ASMTL: variants seen among roughly 807,000 people sequenced by gnomAD.
ASMTL encodes probable bifunctional dTTP/UTP pyrophosphatase/methyltransferase protein.
In ASMTL, 57 loss-of-function variants were observed where a neutral mutation model predicts 60.3. That is an observed-to-expected ratio of 0.95 (90% confidence interval 0.76 to 1.18). The LOEUF (loss-of-function observed/expected upper bound fraction) is 1.18. Among genes scored for constraint, ASMTL ranks in the 50% most tolerant of loss-of-function variants. ASMTL has a pLI of 0.00. For missense variants in ASMTL, 981 were observed against 852.6 expected, an observed-to-expected ratio of 1.15 and a Z score of -1.88; for synonymous variants, 419 against 373.0, an observed-to-expected ratio of 1.12 and a Z score of -1.42.
chrX:1,410,509 G>C (rs62605709), intron 12 of ASMTL, among the ~76,000 whole-genome samples: 2 of 151,772 alleles, frequency 1.3e-5, no homozygotes, highest in African/African-American at 2.4e-5. Context: ...TCGCCTCCCA[G>C]GTTCAAGTGA....
At chrX:1,451,979 C>G (rs1211761378) in intron 1 of ASMTL, among the ~76,000 whole-genome samples, 1 of 149,222 alleles carries the variant, frequency 6.7e-6, no homozygotes, top group East Asian at 2.0e-4. Flanking sequence ...TTACTCTCCC[C>G]ACCCCCATCG....
At chrX:1,433,433 A>G (rs2090865551) in intron 5 of ASMTL, among the ~76,000 whole-genome samples, 1 of 142,336 alleles carries the variant, frequency 7.0e-6, no homozygotes, top group South Asian at 2.3e-4. Context: ...TGGGAGGCCG[A>G]GGCGGGCGGA....
At chrX:1,414,829 A>G (rs1225143179) in intron 11 of ASMTL, among the ~76,000 whole-genome samples, 1 of 152,184 alleles carries the variant, frequency 6.6e-6, no homozygotes, top group African/African-American at 2.4e-5. Context: ...AAAACGAGAA[A>G]AGCATCCAGG....
At chrX:1,432,578 C>T (rs1380651209) in intron 5 of ASMTL, among the ~76,000 whole-genome samples, 8 of 152,224 alleles carry the variant, frequency 5.3e-5, no homozygotes, top group Non-Finnish European at 1.2e-4. Context: ...GCCTGTCATC[C>T]CAGCACCTTG....
At chrX:1,419,767 T>C (rs1269768036) in intron 9 of ASMTL, among the ~76,000 whole-genome samples, 1 of 152,114 alleles carries the variant, frequency 6.6e-6, no homozygotes, top group Non-Finnish European at 1.5e-5. Context: ...GCTCCCTAAA[T>C]CTCGCGGGGG....
intron 12 of ASMTL, among the ~76,000 whole-genome samples, chrX:1,403,890 G>A (rs1158380543): frequency 1.3e-5 from 2 of 152,080 alleles, no homozygotes; most frequent in Non-Finnish European, 2.9e-5. Context: ...ATGGATAGAT[G>A]GATGCATGTA....
At chrX:1,430,957 T>C (rs1351078197) in intron 6 of ASMTL, among the ~76,000 whole-genome samples, 1 of 141,604 alleles carries the variant, frequency 7.1e-6, no homozygotes, top group African/African-American at 2.6e-5. Flanking sequence ...GTATTACATA[T>C]ATTTAATTAA....
chrX:1,438,506 A>G (rs1219317625), intron 3 of ASMTL, among the ~76,000 whole-genome samples: 1 of 151,964 alleles, frequency 6.6e-6, no homozygotes, highest in African/African-American at 2.4e-5. Context: ...TGGCCTCTAG[A>G]ACTGCGTACC....
At chrX:1,440,210 C>A (rs1360928972) in intron 2 of ASMTL, among the ~76,000 whole-genome samples, 1 of 152,074 alleles carries the variant, frequency 6.6e-6, no homozygotes, top group Non-Finnish European at 1.5e-5. Context: ...CCTCAGCCTC[C>A]CGAGTAGCTG....
chrX:1,446,522 C>A lies in ASMTL; in HGVS notation c.94-4205G>T, dbSNP rs750359438. ...GACATTTTTTTTTTTTTTTTTGAGA[C>A]GGAGTCTTGCTCTGTCGCCCAGGCT... is the stretch of plus-strand genomic sequence containing the variant. On this transcript the variant is annotated intron_variant, in intron 1 of 12. Transcript: ENST00000381317. Among the ~76,000 whole-genome samples, 5 of 123,706 alleles carry A rather than the reference C, an allele frequency of 4.0e-5. No homozygotes were observed. In the East Asian group the frequency reaches 9.6e-4, roughly 24 times the overall value. The allele number at this position is 123,706 out of a possible 152,430, so 81.2% of individuals were successfully genotyped here.
At chrX:1,415,193 A>T (rs1431566763) in intron 11 of ASMTL, among the ~76,000 whole-genome samples, 1 of 11,626 alleles carries the variant, frequency 8.6e-5, no homozygotes, top group Non-Finnish European at 4.4e-4. Context: ...CACCCGCCTC[A>T]GCCTCCCAGA....
At chrX:1,435,133 G>C (rs1319807983) in intron 4 of ASMTL, 50 bp from the exon 5 acceptor site, 5 of 1,596,686 alleles carry the variant, frequency 3.1e-6, no homozygotes, top group Non-Finnish European at 4.3e-6. Flanking sequence ...ACCCGTGGGA[G>C]CTACAAAGCG....
chrX:1,417,903 A>G (rs2090354646), intron 11 of ASMTL, 70 bp downstream of exon 11: 11 of 1,536,808 alleles, frequency 7.2e-6, no homozygotes, highest in East Asian at 6.8e-5. Context: ...ACACACAGCC[A>G]TGCCCTCTGT....
intron 8 of ASMTL, among the ~76,000 whole-genome samples, chrX:1,424,891 C>T (rs1272084549): frequency 3.5e-5 from 5 of 142,348 alleles, no homozygotes; most frequent in Non-Finnish European, 6.1e-5. Context: ...TCCACTGATC[C>T]ACCAATCCAT....
At chrX:1,435,170 G>C in intron 4 of ASMTL, 87 bp from the exon 5 acceptor site, 2 of 1,383,632 alleles carry the variant, frequency 1.4e-6, no homozygotes, top group South Asian at 2.3e-5. Context: ...GGGAGGCAGC[G>C]AGGCGTCCTT....
chrX:1,408,326 G>A (rs779396762), intron 12 of ASMTL, among the ~76,000 whole-genome samples: 1 of 29,416 alleles, frequency 3.4e-5, no homozygotes, highest in Admixed American at 3.1e-4. Context: ...CAGGAGGATC[G>A]CTTGAGCCCA....
chrX:1,439,236 AG>A (rs1402868445), intron 2 of ASMTL, 92 bp from the exon 3 acceptor site: 12 of 1,387,706 alleles, frequency 8.6e-6, no homozygotes, highest in Non-Finnish European at 1.0e-5. Flanking sequence ...AGAGCACCGC[AG>A]GGGCGAAGCC....
At chrX:1,418,677 G>A (rs1453315735) in intron 10 of ASMTL, among the ~76,000 whole-genome samples, 1 of 152,102 alleles carries the variant, frequency 6.6e-6, no homozygotes, top group East Asian at 1.9e-4. Flanking sequence ...GCTGGGGTGG[G>A]GTGGAGGGTG....
intron 11 of ASMTL, among the ~76,000 whole-genome samples, chrX:1,416,066 C>G (rs1188175614): frequency 6.6e-6 from 1 of 151,242 alleles, no homozygotes; most frequent in African/African-American, 2.4e-5. Context: ...CAGAGACAGA[C>G]ATGCACAGAT....
Sources: allele counts gnomAD v4.1 joint callset (sites outside exome capture counted in the v4.1 genomes callset), GRCh38; gene constraint gnomAD v4.1.1; transcripts MANE v1.5; gene names NCBI Gene and HGNC (gene_info 2026-07-23, HGNC 2026-07-21).